The following EPB41L5 variants were observed in gnomAD, a reference collection of about 807,000 sequenced individuals.
EPB41L5 encodes band 4.1-like protein 5.
In EPB41L5, 55 loss-of-function variants were observed where a neutral mutation model predicts 106.6. That is an observed-to-expected ratio of 0.52 (90% CI 0.42 to 0.65). The LOEUF (loss-of-function observed/expected upper bound fraction) is 0.65, where lower values mean the gene tolerates loss of function less well. Among genes scored for constraint, EPB41L5 ranks in the 30% least tolerant of loss-of-function variants. The pLI is 0.00. For missense variants in EPB41L5, 871 were observed against 882.1 expected (o/e 0.99, Z 0.16); for synonymous variants, 297 against 306.7 (o/e 0.97, Z 0.33).
At chr2:120,168,031 C>A in intron 24 of EPB41L5, 24 bp downstream of exon 24, 2 of 1,612,868 alleles carry the variant, frequency 1.2e-6, no homozygotes, top group East Asian at 4.5e-5. Flanking sequence ...TTCTCATTTG[C>A]AGTTCTTAGG....
chr2:120,142,611 C>T (rs1481976305), intron 18 of EPB41L5, among the ~76,000 whole-genome samples: 1 of 152,060 alleles, frequency 6.6e-6, no homozygotes, highest in African/African-American at 2.4e-5. Flanking sequence ...TAGTAAAGGA[C>T]CAGATAGTAA....
rs189119685 is a variant in EPB41L5, at chr2:120,132,009, T to C, written c.1599+294T>C. Among the ~76,000 whole-genome samples the C allele has an allele frequency of 7.9e-5, 12 of 152,252 alleles. No homozygotes were observed. The East Asian group carries it at 2.3e-3, about 29-fold the overall frequency. ...ATTGACCCAGTCTAGTTGGAAGACT[T>C]GCTGAAGCCTTTTGAAATTACAGAA... On this transcript the variant is annotated intron_variant, in intron 18 of 24. Coordinates refer to ENST00000263713, the MANE Select transcript of EPB41L5 (RefSeq NM_020909.4).
rs779649161 is a variant in EPB41L5 at position 120,075,734 on chromosome 2, G to A, written c.486G>A (p.Leu162=). The change falls in exon 7 of 25, where the codon TTG becomes TTA. Residue 162 remains leucine (L), a synonymous_variant. Transcript: ENST00000263713. ...LDCPFDTAVQ[L]AAYNLQAELG... is the part of the protein sequence containing the mutation. ...GTCCCTTTGATACAGCAGTGCAATT[G>A]GCAGCTTATAATCTGCAAGGTAAGC... 1.2e-6 allele frequency: 2 copies of A among 1,613,382 alleles called. No homozygotes were observed. Among genetic ancestry groups the A allele is most frequent in the East Asian group, 2.2e-5 (1 of 44,812 alleles).
chr2:120,147,348 T>G (rs931252485), intron 20 of EPB41L5, among the ~76,000 whole-genome samples: 1 of 152,020 alleles, frequency 6.6e-6, no homozygotes, highest in African/African-American at 2.4e-5. Context: ...GACCCTGGTT[T>G]TTTTTCTAAG....
intron 3 of EPB41L5, among the ~76,000 whole-genome samples, chr2:120,051,832 T>A (rs2105250460): frequency 1.3e-5 from 1 of 75,738 alleles, no homozygotes; most frequent in African/African-American, 3.2e-5. Context: ...CTGCATTGTT[T>A]TGTTTTTTTT....
intron 16 of EPB41L5, among the ~76,000 whole-genome samples, chr2:120,110,522 C>CTAA (rs1684675983): frequency 6.6e-6 from 1 of 152,112 alleles, no homozygotes; most frequent in Non-Finnish European, 1.5e-5. Flanking sequence ...ACTTAGGCAT[C>CTAA]TAATATAGGC....
intron 16 of EPB41L5, chr2:120,105,541 A>T (rs1229416263): frequency 1.0e-6 from 1 of 985,142 alleles, no homozygotes; most frequent in African/African-American, 1.7e-5. Flanking sequence ...TAGAAGACCT[A>T]AATAAGCAGA....
In EPB41L5 at chr2:120,148,477, C is replaced by T. The variant is rs570220261; in HGVS notation, c.1793+2188C>T. Among the ~76,000 whole-genome samples the T allele has an allele frequency of 3.9e-5, 6 of 151,996 alleles. No homozygotes were observed. The East Asian group carries it at 1.2e-3, about 30-fold the overall frequency. On this transcript the variant is annotated intron_variant, in intron 20 of 24. Coordinates refer to ENST00000263713, the MANE Select transcript of EPB41L5 (RefSeq NM_020909.4). The stretch of plus-strand genomic sequence containing the variant: ...GTGAGTATGAAGGTTTCTACCTTAC[C>T]TAAAGTCTGCAAACACTTTACCCAT...
intron 14 of EPB41L5, among the ~76,000 whole-genome samples, chr2:120,097,620 G>C (rs905406968): frequency 7.2e-5 from 11 of 152,216 alleles, no homozygotes; most frequent in Middle Eastern, 6.8e-3. Flanking sequence ...TCTTATACAG[G>C]CTTAATATGC....
chr2:120,085,158 G>T (rs1682968713), intron 10 of EPB41L5, among the ~76,000 whole-genome samples: 1 of 152,118 alleles, frequency 6.6e-6, no homozygotes, highest in Admixed American at 6.5e-5. Flanking sequence ...TTGTTCCATT[G>T]CTGGCGAGGA....
At chr2:120,017,963 A>ATT (rs34151177) in intron 1 of EPB41L5, among the ~76,000 whole-genome samples, 325 of 131,032 alleles carry the variant, frequency 2.5e-3, no homozygotes, top group South Asian at 9.4e-3. Context: ...CACCCGGCCA[A>ATT]TTTTTTTTTT....
intron 3 of EPB41L5, among the ~76,000 whole-genome samples, chr2:120,058,544 A>G (rs534422214): frequency 3.3e-5 from 5 of 152,188 alleles, no homozygotes; most frequent in Non-Finnish European, 7.3e-5. Flanking sequence ...CATAGCTGAT[A>G]TCCAGCAGAC....
At chr2:120,016,195 C>T (rs1411416925) in intron 1 of EPB41L5, among the ~76,000 whole-genome samples, 1 of 151,998 alleles carries the variant, frequency 6.6e-6, no homozygotes, top group Non-Finnish European at 1.5e-5. Context: ...TTTGGGAGGC[C>T]GAGGCGGGCG....
intron 16 of EPB41L5, among the ~76,000 whole-genome samples, chr2:120,116,943 A>AT (rs1306410520): frequency 6.6e-6 from 1 of 152,120 alleles, no homozygotes; most frequent in African/African-American, 2.4e-5. Flanking sequence ...ATCCAAAAGG[A>AT]TTTTTCCATT....
intron 16 of EPB41L5, among the ~76,000 whole-genome samples, chr2:120,125,150 T>C (rs188251169): frequency 9.8e-5 from 15 of 152,380 alleles, no homozygotes; most frequent in Admixed American, 8.5e-4. Context: ...AGAACAACTT[T>C]CCTTTTTTCT....
chr2:120,122,183 G>C (rs1234058818), intron 16 of EPB41L5, among the ~76,000 whole-genome samples: 1 of 152,084 alleles, frequency 6.6e-6, no homozygotes, highest in African/African-American at 2.4e-5. Context: ...TATTTAATTA[G>C]GTCACATTTG....
chr2:120,162,597 AC>A (rs1687182807), intron 21 of EPB41L5, among the ~76,000 whole-genome samples: 3 of 152,246 alleles, frequency 2.0e-5, no homozygotes, highest in Admixed American at 1.3e-4. Flanking sequence ...AGATACATTG[AC>A]TAATCATTGG....
chr2:120,048,705 G>A (rs1292783836), intron 3 of EPB41L5, among the ~76,000 whole-genome samples: 4 of 152,188 alleles, frequency 2.6e-5, no homozygotes, highest in African/African-American at 9.6e-5. Context: ...TTTTTAATGT[G>A]TTTGCTCTTG....
intron 24 of EPB41L5, among the ~76,000 whole-genome samples, chr2:120,173,110 A>G (rs79299671): frequency 1.3e-5 from 2 of 152,246 alleles, no homozygotes; most frequent in East Asian, 3.8e-4. Flanking sequence ...CAACAAAAAA[A>G]TGAGGCAGTT....
Sources: allele counts gnomAD v4.1 joint callset (sites outside exome capture counted in the v4.1 genomes callset), GRCh38; gene constraint gnomAD v4.1.1; transcripts MANE v1.5; gene names NCBI Gene and HGNC (gene_info 2026-07-23, HGNC 2026-07-21).